Variants in IFIH1 observed in about 807,000 individuals in gnomAD.
IFIH1 encodes interferon-induced helicase C domain-containing protein 1.
Under a neutral mutation model 107.4 loss-of-function variants are expected in IFIH1, and 125 were observed. The observed-to-expected ratio is 1.16, with a 90% CI of 1.01 to 1.35. The LOEUF (loss-of-function observed/expected upper bound fraction) is 1.35. Ranked by LOEUF, IFIH1 falls within the 40% of genes most tolerant of loss-of-function variation. IFIH1 has a pLI of 0.00. For synonymous variants in IFIH1, 458 were observed against 413.2 expected (o/e 1.11, Z -1.31); for missense variants, 1,333 against 1,213.7 (o/e 1.10, Z -1.46).
Position 162,310,868 on chromosome 2 carries a change from C to G in IFIH1, c.519G>C (p.Gln173His), listed in dbSNP as rs1683375117. 1 of 1,613,276 alleles carries G rather than the reference C, an allele frequency of 6.2e-7. No homozygotes were observed. ...GAAATGCAGAGAACCAGTTTTCTTT[C>G]TGCACAATCCTTTTTAGTAGCTCTC... ...GVRELLKRIV[Q>H]KENWFSAFLN... is the part of the protein sequence containing the mutation. The change falls in exon 2 of 16, where the codon CAG becomes CAC. Residue 173 changes from glutamine to histidine, a missense_variant. Physicochemically the swap from Gln to His is conservative, Grantham distance 24. Transcript: ENST00000649979.
intron 3 of IFIH1, among the ~76,000 whole-genome samples, chr2:162,295,045 T>C (rs1277511419): frequency 6.6e-6 from 1 of 152,030 alleles, no homozygotes; most frequent in Admixed American, 6.6e-5. Flanking sequence ...ATGTTTATAG[T>C]TTGAGAAGTT....
chr2:162,307,376 CT>C lies in IFIH1; in HGVS notation c.623-522del, dbSNP rs202193727. ...TTTGGTAGTTTTCTTTAGCTTTGCT[CT>C]TGCCATTTTGTTTCCTCACTGTGTG... is the stretch of plus-strand genomic sequence containing the variant. On this transcript the variant is annotated intron_variant, in intron 2 of 15. Coordinates refer to ENST00000649979, the MANE Select transcript of IFIH1 (RefSeq NM_022168.4). 2.4e-4 allele frequency among the ~76,000 whole-genome samples: 37 copies of C among 152,296 alleles called. No homozygotes were observed. In the East Asian group the frequency reaches 6.2e-3, roughly 25 times the overall value.
chr2:162,291,943 C>G (rs1683003305), intron 4 of IFIH1, among the ~76,000 whole-genome samples: 1 of 151,804 alleles, frequency 6.6e-6, no homozygotes, highest in East Asian at 1.9e-4. Flanking sequence ...TGTTTGTCTT[C>G]AAATATGTAT....
chr2:162,304,230 C>A (rs1380122882), intron 3 of IFIH1, among the ~76,000 whole-genome samples: 1 of 152,176 alleles, frequency 6.6e-6, no homozygotes, highest in East Asian at 1.9e-4. Flanking sequence ...GAGGCCAAGG[C>A]AGGAGGATTC....
rs148987311 is a variant in IFIH1 at position 162,309,237 on chromosome 2, G to A, written c.622+1528C>T. 4.5e-3 allele frequency among the ~76,000 whole-genome samples: 686 copies of A among 152,278 alleles called. 8 individuals are homozygous for A. The highest frequency in any genetic ancestry group is 0.016 in the African/African-American group (650 of 41,548). ...GCAGGTTCTAGGGCTCTGCAAGACA[G>A]CCTGCTCTCTCTAAGGGCTCCATCC... On this transcript the variant is annotated intron_variant, in intron 2 of 15. Transcript: ENST00000649979.
intron 1 of IFIH1, among the ~76,000 whole-genome samples, chr2:162,312,153 C>T (rs1230307901): frequency 1.3e-5 from 2 of 152,236 alleles, no homozygotes; most frequent in South Asian, 2.1e-4. Flanking sequence ...TATTCCATAA[C>T]CTTTTATGTC....
At position 162,318,103 on chromosome 2, in the gene IFIH1, C is replaced by T; in HGVS notation, c.205G>A (p.Gly69Arg). The T allele has an allele frequency of 6.2e-7, 1 of 1,614,156 alleles. No homozygotes were observed. Among genetic ancestry groups the T allele is most frequent in the African/African-American group, 1.3e-5 (1 of 75,038 alleles). Residue 69 changes from glycine (G) to arginine (R), a missense_variant, in exon 1 of 16, where the codon GGA (glycine) becomes AGA (arginine). Coordinates refer to ENST00000649979, the MANE Select transcript of IFIH1 (RefSeq NM_022168.4). ...CGAGTCCAACCAAGGTGCCAGACTC[C>T]CTTCTCCAAGGTGCTCAGCAGCAGT... ...VELLLSTLEK[G>R]VWHLGWTREF...
At chr2:162,273,696 A>T in intron 12 of IFIH1, 99 bp downstream of exon 12, 1 of 930,224 alleles carries the variant, frequency 1.1e-6, no homozygotes, top group East Asian at 2.7e-5. Context: ...TGTTTTAAAA[A>T]CTAAAAAGAT....
chr2:162,295,692 C>T (rs887942514), intron 3 of IFIH1, among the ~76,000 whole-genome samples: 9 of 151,926 alleles, frequency 5.9e-5, no homozygotes, highest in East Asian at 1.9e-4. Flanking sequence ...TATGATCACA[C>T]GGGAAAACCT....
Position 162,310,859 on chromosome 2 carries a change from G to A in IFIH1, c.528C>T (p.Asn176=). Residue 176 remains asparagine, a synonymous_variant, in exon 2 of 16, where the codon AAC becomes AAT. Transcript: ENST00000649979. ...ELLKRIVQKE[N]WFSAFLNVLR... is the part of the protein sequence containing the mutation. ...GAACATTCAGAAATGCAGAGAACCA[G>A]TTTTCTTTCTGCACAATCCTTTTTA... 1 of 1,612,840 alleles carries A rather than the reference G, an allele frequency of 6.2e-7. No homozygotes were observed. Among genetic ancestry groups the A allele is most frequent in the South Asian group, 1.1e-5 (1 of 91,042 alleles).
chr2:162,293,558 C>A lies in IFIH1; in HGVS notation c.874+6G>T, dbSNP rs1422041632. The A allele has an allele frequency of 2.5e-6, 4 of 1,581,564 alleles. No homozygotes were observed. The South Asian group carries it at 3.3e-5, about 13-fold the overall frequency. ...TTTTAAGGTTTACACAACAGTTAGG[C>A]AGTACCTGAATCACTTCCCATGGTG... On this transcript the variant is annotated splice_donor_region_variant and intron_variant, in intron 4 of 15. Transcript: ENST00000649979.
intron 8 of IFIH1, 30 bp downstream of exon 8, chr2:162,279,966 A>T (rs1302108898): frequency 5.5e-6 from 6 of 1,099,834 alleles, no homozygotes; most frequent in Non-Finnish European, 8.4e-6. Context: ...AGTATTGTCA[A>T]TCAATAGATA....
chr2:162,274,597 TGAAA>T (rs1168942590), intron 11 of IFIH1, among the ~76,000 whole-genome samples: 1 of 152,018 alleles, frequency 6.6e-6, no homozygotes, highest in African/African-American at 2.4e-5. Context: ...TAAATAAAAA[TGAAA>T]GAAGAGGTTA....
intron 6 of IFIH1, among the ~76,000 whole-genome samples, chr2:162,281,767 T>G (rs1032602423): frequency 6.6e-6 from 1 of 152,002 alleles, no homozygotes. Context: ...GACATTCTCC[T>G]TCTTTAATAG....
At chr2:162,277,200 T>C (rs891879618) in intron 10 of IFIH1, among the ~76,000 whole-genome samples, 7 of 152,294 alleles carry the variant, frequency 4.6e-5, no homozygotes, top group Non-Finnish European at 1.0e-4. Flanking sequence ...ATAAATTCAT[T>C]ACAATTGTCT....
chr2:162,305,079 A>T (rs928780183), intron 3 of IFIH1, among the ~76,000 whole-genome samples: 2 of 152,188 alleles, frequency 1.3e-5, no homozygotes, highest in Non-Finnish European at 2.9e-5. Flanking sequence ...GTCATTAAAA[A>T]CCAGGCTGTA....
At chr2:162,298,945 G>A (rs1023042962) in intron 3 of IFIH1, among the ~76,000 whole-genome samples, 1 of 152,000 alleles carries the variant, frequency 6.6e-6, no homozygotes, top group Non-Finnish European at 1.5e-5. Flanking sequence ...GTTCCCCAAC[G>A]AGAAAAATCA....
chr2:162,291,170 G>C (rs956967536), intron 4 of IFIH1, among the ~76,000 whole-genome samples: 1 of 151,610 alleles, frequency 6.6e-6, no homozygotes, highest in Non-Finnish European at 1.5e-5. Flanking sequence ...CCATATAAAT[G>C]GTCAAAAAAG....
At chr2:162,295,759 T>A (rs1683075039) in intron 3 of IFIH1, among the ~76,000 whole-genome samples, 1 of 151,946 alleles carries the variant, frequency 6.6e-6, no homozygotes, top group African/African-American at 2.4e-5. Flanking sequence ...GAGGTATGTC[T>A]TGTTAGAAGC....
Sources: allele counts gnomAD v4.1 joint callset (sites outside exome capture counted in the v4.1 genomes callset), GRCh38; gene constraint gnomAD v4.1.1; transcripts MANE v1.5; gene names NCBI Gene and HGNC (gene_info 2026-07-23, HGNC 2026-07-21).